Variants in FOXP2 observed in about 807,000 individuals in gnomAD.
The protein encoded by FOXP2 is forkhead box protein P2.
A neutral mutation model predicts 115.8 loss-of-function variants in FOXP2; 12 were observed. That is an observed-to-expected ratio of 0.10 (90% CI 0.07 to 0.17). The LOEUF (loss-of-function observed/expected upper bound fraction) is 0.17, where lower values mean the gene tolerates loss of function less well. Among genes scored for constraint, FOXP2 ranks in the 10% least tolerant of loss-of-function variants. The pLI is 1.00. For missense variants in FOXP2, 629 were observed against 843.5 expected, an observed-to-expected ratio of 0.75 and a Z score of 3.15; for synonymous variants, 328 against 297.7, an observed-to-expected ratio of 1.10 and a Z score of -1.05.
intron 1 of FOXP2, among the ~76,000 whole-genome samples, chr7:114,208,610 A>C (rs1794260525): frequency 6.6e-6 from 1 of 151,752 alleles, no homozygotes; most frequent in Non-Finnish European, 1.5e-5. Flanking sequence ...CCCCACTCAA[A>C]TCTCATCTTG....
chr7:114,517,296 T>G (rs928253284), intron 2 of FOXP2, among the ~76,000 whole-genome samples: 2 of 152,152 alleles, frequency 1.3e-5, no homozygotes, highest in Admixed American at 1.3e-4. Context: ...ATTCCATAGG[T>G]CGTCTCTTTA....
intron 1 of FOXP2, among the ~76,000 whole-genome samples, chr7:114,204,464 G>A (rs1794150218): frequency 6.6e-6 from 1 of 152,112 alleles, no homozygotes; most frequent in South Asian, 2.1e-4. Context: ...AGTAAGGAAG[G>A]GGTTTAACTC....
At chr7:114,516,974 G>T (rs1251362791) in intron 2 of FOXP2, among the ~76,000 whole-genome samples, 1 of 151,920 alleles carries the variant, frequency 6.6e-6, no homozygotes, top group Non-Finnish European at 1.5e-5. Flanking sequence ...GATTACAGGT[G>T]TGAGCCACTG....
intron 1 of FOXP2, among the ~76,000 whole-genome samples, chr7:114,095,071 A>G (rs1799616176): frequency 6.6e-6 from 1 of 152,202 alleles, no homozygotes; most frequent in African/African-American, 2.4e-5. Context: ...ATGAAGATGA[A>G]TAGTTGTGAA....
At chr7:114,089,220 G>C (rs927709598) in intron 1 of FOXP2, among the ~76,000 whole-genome samples, 5 of 152,058 alleles carry the variant, frequency 3.3e-5, no homozygotes, top group Admixed American at 2.6e-4. Flanking sequence ...AACTTTGAAA[G>C]AGGAGACTAG....
At chr7:114,510,393 A>G (rs1798013113) in intron 2 of FOXP2, among the ~76,000 whole-genome samples, 1 of 152,290 alleles carries the variant, frequency 6.6e-6, no homozygotes, top group African/African-American at 2.4e-5. Context: ...ATGGTAGAAC[A>G]AAGCAGAGGA....
intron 8 of FOXP2, among the ~76,000 whole-genome samples, chr7:114,646,328 T>C (rs1179353789): frequency 6.6e-6 from 1 of 152,048 alleles, no homozygotes; most frequent in Non-Finnish European, 1.5e-5. Flanking sequence ...GAAAAATACA[T>C]ATTTTCCTTC....
chr7:114,390,666 C>T (rs1228240746), intron 2 of FOXP2, among the ~76,000 whole-genome samples: 3 of 151,988 alleles, frequency 2.0e-5, no homozygotes, highest in Admixed American at 6.5e-5. Context: ...GTAACCCTCC[C>T]ACCTCAGCCT....
At chr7:114,410,533 T>C (rs1455329779), upstream of FOXP2, among the ~76,000 whole-genome samples, 1 of 152,134 alleles carries the variant, frequency 6.6e-6, no homozygotes, top group Admixed American at 6.6e-5. Flanking sequence ...CATGTAAACA[T>C]TCATAATATG....
chr7:114,453,299 A>G (rs1004491392), intron 2 of FOXP2, among the ~76,000 whole-genome samples: 1 of 152,142 alleles, frequency 6.6e-6, no homozygotes, highest in Non-Finnish European at 1.5e-5. Context: ...CGTTAGAAAC[A>G]GGAATTAGGT....
chr7:114,384,065 C>T (rs1792379356), intron 2 of FOXP2, among the ~76,000 whole-genome samples: 1 of 151,972 alleles, frequency 6.6e-6, no homozygotes, highest in African/African-American at 2.4e-5. Flanking sequence ...GAGGTGAGTT[C>T]CTTTCCAGGG....
intron 2 of FOXP2, among the ~76,000 whole-genome samples, chr7:114,356,499 A>T (rs1791620005): frequency 6.6e-6 from 1 of 152,174 alleles, no homozygotes; most frequent in Non-Finnish European, 1.5e-5. Flanking sequence ...TCACAGAAAT[A>T]TTTCCAGGAA....
At position 114,672,401 on chromosome 7, in the gene FOXP2, G is replaced by A. The variant is rs147613990; in HGVS notation, c.2003+7965G>A. Among the ~76,000 whole-genome samples, 72 of 152,102 alleles carry A rather than the reference G, an allele frequency of 4.7e-4. 2 individuals are homozygous for A. The East Asian group carries it at 0.013, about 28-fold the overall frequency. On this transcript the variant is annotated intron_variant, in intron 16 of 16. Coordinates refer to ENST00000350908, the MANE Select transcript of FOXP2 (RefSeq NM_014491.4). ...GGAGTTCAAGACCAGCCTGGCCAAT[G>A]TGGCAAAACCCCGTCTCTACTAAAA...
chr7:114,263,916 G>A (rs1030783307), intron 1 of FOXP2, among the ~76,000 whole-genome samples: 9 of 151,746 alleles, frequency 5.9e-5, no homozygotes, highest in East Asian at 2.0e-4. Flanking sequence ...ACAATTATAT[G>A]ACTTATTTTT....
At position 114,659,390 on chromosome 7, in the gene FOXP2, A is replaced by C; in HGVS notation, c.1503A>C (p.Ala501=). 1 of 1,613,288 alleles carries C rather than the reference A, an allele frequency of 6.2e-7. No individual in the cohort carries two copies. The highest frequency in any genetic ancestry group is 1.3e-5 in the African/African-American group (1 of 74,998). The change falls in exon 12 of 17, where the codon GCA becomes GCC. Residue 501 remains alanine (A), a synonymous_variant. Coordinates refer to ENST00000350908, the MANE Select transcript of FOXP2 (RefSeq NM_014491.4). ...IAPNYEFYKN[A]DVRPPFTYAT... ...CAAACTATGAATTTTATAAAAATGCAGATGTCAGACCTCCATTTACTTATG... is the reference window on the plus strand; with the variant it reads ...CAAACTATGAATTTTATAAAAATGCCGATGTCAGACCTCCATTTACTTATG...
chr7:114,153,631 C>G (rs1452717513), intron 1 of FOXP2, among the ~76,000 whole-genome samples: 1 of 152,058 alleles, frequency 6.6e-6, no homozygotes, highest in Non-Finnish European at 1.5e-5. Flanking sequence ...ATTATATTTG[C>G]AAAGGTTGGA....
chr7:114,659,027 CA>C (rs1440361935), intron 11 of FOXP2, among the ~76,000 whole-genome samples: 2 of 152,182 alleles, frequency 1.3e-5, no homozygotes, highest in Middle Eastern at 3.4e-3. Context: ...ATGAGAGAAG[CA>C]AAGATTATAG....
chr7:114,399,102 CT>C, intron 2 of FOXP2, among the ~76,000 whole-genome samples: 1 of 109,360 alleles, frequency 9.1e-6, no homozygotes, highest in Non-Finnish European at 2.0e-5. Flanking sequence ...TTCTGACTTT[CT>C]TTTTCTTTTT....
intron 1 of FOXP2, among the ~76,000 whole-genome samples, chr7:114,181,679 G>A (rs1272895554): frequency 6.6e-6 from 1 of 152,046 alleles, no homozygotes; most frequent in Non-Finnish European, 1.5e-5. Context: ...TTTAAAGCAT[G>A]AGCCTTTATC....
Sources: allele counts gnomAD v4.1 joint callset (sites outside exome capture counted in the v4.1 genomes callset), GRCh38; gene constraint gnomAD v4.1.1; transcripts MANE v1.5; gene names NCBI Gene and HGNC (gene_info 2026-07-23, HGNC 2026-07-21).